MFAP3L: variants seen among roughly 807,000 people sequenced by gnomAD.
MFAP3L encodes the protein microfibrillar-associated protein 3-like.
A neutral mutation model predicts 20.0 loss-of-function variants in MFAP3L; 5 were observed. The ratio of observed to expected loss-of-function variants is 0.25; its 90% CI spans 0.13 to 0.53. The LOEUF (loss-of-function observed/expected upper bound fraction) is 0.53. Among genes scored for constraint, MFAP3L ranks in the 20% least tolerant of loss-of-function variants. MFAP3L has a pLI of 0.96. For missense variants in MFAP3L, 409 were observed against 527.5 expected (o/e 0.78, Z 2.20); for synonymous variants, 219 against 213.0 (o/e 1.03, Z -0.25).
Position 169,989,238 on chromosome 4 carries a change from ATTTC to A in MFAP3L, c.*2136_*2139del, listed in dbSNP as rs978258087. 1.3e-5 allele frequency: 2 copies of A among 152,136 alleles called. No homozygotes were observed. Among genetic ancestry groups the A allele is most frequent in the East Asian group, 1.9e-4 (1 of 5,196 alleles). The allele number at this position is 152,136 out of a possible 1,614,324, so 9.4% of individuals were successfully genotyped here. ...AATTTCTCCTGATTTCTCACTGCTC[ATTTC>A]TTTATGTGACTGCCCAAAGCACTTC... is the stretch of plus-strand genomic sequence containing the variant. On this transcript the variant is annotated 3_prime_UTR_variant, in exon 3 of 3. Transcript: ENST00000361618.
chr4:169,994,351 G>A, intron 2 of MFAP3L: 3 of 985,368 alleles, frequency 3.0e-6, no homozygotes, highest in Non-Finnish European at 3.6e-6. Flanking sequence ...GGATAAAGTA[G>A]TCTGAACCTG....
At chr4:170,024,112 A>G (rs1464724932) in intron 1 of MFAP3L, among the ~76,000 whole-genome samples, 1 of 152,198 alleles carries the variant, frequency 6.6e-6, no homozygotes, top group East Asian at 1.9e-4. Context: ...ACATGCCTAC[A>G]AAGTCTATTT....
chr4:170,026,416 C>T (rs1730428229), upstream of MFAP3L: 1 of 430,838 alleles, frequency 2.3e-6, no homozygotes, highest in South Asian at 9.4e-5. Context: ...CGGAGCTTCC[C>T]ACCTACAGGA....
Position 169,992,403 on chromosome 4 carries a change from GA to G in MFAP3L, c.299-95del. ...TCTAAGAACATCTATGAACATCTATGAAGAACATCTATGAAGTCTATGAACG... is the reference window on the plus strand; with the variant it reads ...TCTAAGAACATCTATGAACATCTATGAGAACATCTATGAAGTCTATGAACG... On this transcript the variant is annotated intron_variant, in intron 2 of 2. Transcript: ENST00000361618. The surrounding 1 kb of genome is among the most constrained non-coding windows in gnomAD (Gnocchi z 4.3). 1.8e-6 allele frequency: 2 copies of G among 1,118,638 alleles called. No homozygotes were observed. Among genetic ancestry groups the G allele is most frequent in the South Asian group, 3.0e-5 (2 of 66,696 alleles). The allele number at this position is 1,118,638 out of a possible 1,614,324, so 69.3% of individuals were successfully genotyped here.
In MFAP3L at chr4:169,992,293, G is replaced by A. The variant is rs769034321; in HGVS notation, c.315C>T (p.His105=). The change falls in exon 3 of 3, where the codon CAC becomes CAT. Residue 105 remains histidine (H), a synonymous_variant. Transcript: ENST00000361618. The surrounding 1 kb of genome is among the most constrained non-coding windows in gnomAD (Gnocchi z 4.3). The part of the protein sequence containing the change: ...KERGGGKWQM[H]DSGLLNITKV... ...TGGTGATGTTCAGGAGGCCGCTGTC[G>A]TGCATTTGCCATTTTCCTGTCGGAA... The A allele has an allele frequency of 1.3e-5, 21 of 1,607,402 alleles. No homozygotes were observed. Among genetic ancestry groups the A allele is most frequent in the Middle Eastern group, 1.8e-4 (1 of 5,638 alleles).
At chr4:170,003,963 C>T (rs1447432251) in intron 2 of MFAP3L, 4 of 540,678 alleles carry the variant, frequency 7.4e-6, no homozygotes, top group Non-Finnish European at 9.4e-6. Context: ...GTTATAGCCA[C>T]TTTTTAAAAT....
At chr4:170,015,148 C>T (rs1739618878) in intron 1 of MFAP3L, among the ~76,000 whole-genome samples, 1 of 152,168 alleles carries the variant, frequency 6.6e-6, no homozygotes, top group South Asian at 2.1e-4. Flanking sequence ...GTGTGAAGAG[C>T]AGATGAGTTT....
At position 170,005,753 on chromosome 4, in the gene MFAP3L, AC is replaced by A. The variant is rs1560980214; in HGVS notation, c.124del (p.Val42SerfsTer7). ...TNSTLNGTNV[V>X]LGSVPVIIAR... ...AATGATTACGGGCACAGAGCCCAAG[AC>A]CACGTTAGTGCCATTTAAAGTGCTG... On this transcript the variant is annotated frameshift_variant, in exon 2 of 3. Coordinates refer to ENST00000361618, the MANE Select transcript of MFAP3L (RefSeq NM_021647.8). LOFTEE classifies it high-confidence loss of function. 1 of 1,614,224 alleles carries A rather than the reference AC, an allele frequency of 6.2e-7. No homozygotes were observed. The highest frequency in any genetic ancestry group is 8.5e-7 in the Non-Finnish European group (1 of 1,180,044).
At chr4:169,996,507 G>A (rs1486851452) in intron 2 of MFAP3L, among the ~76,000 whole-genome samples, 1 of 152,068 alleles carries the variant, frequency 6.6e-6, no homozygotes, top group Non-Finnish European at 1.5e-5. Flanking sequence ...GCATCTGGGA[G>A]GGACTGAAGG....
At chr4:170,017,092 T>C (rs11943813) in intron 1 of MFAP3L, among the ~76,000 whole-genome samples, 37,922 of 152,180 alleles carry the variant, frequency 0.25, 5,412 homozygotes, top group East Asian at 0.69. Flanking sequence ...CTAGATCACC[T>C]AGGGTTTCCT....
chr4:170,006,604 A>G (rs1359992569), intron 1 of MFAP3L: 1 of 152,180 alleles, frequency 6.6e-6, no homozygotes, highest in Non-Finnish European at 1.5e-5. Flanking sequence ...TTCACTTACC[A>G]TGACAAGCTC....
rs777411809 is a variant in MFAP3L, at chr4:169,991,368, G to C, written c.*10C>G. ...ATTTTCTTGATATGCATAGCTTTTC[G>C]GGGTTGGTATTAGACATGGCTTTCG... On this transcript the variant is annotated 3_prime_UTR_variant, in exon 3 of 3. Coordinates refer to ENST00000361618, the MANE Select transcript of MFAP3L (RefSeq NM_021647.8). The surrounding 1 kb of genome is among the most constrained non-coding windows in gnomAD (Gnocchi z 4.9). 1 of 1,606,732 alleles carries C rather than the reference G, an allele frequency of 6.2e-7. No individual in the cohort carries two copies. The highest frequency in any genetic ancestry group is 1.3e-5 in the African/African-American group (1 of 74,490).
intron 2 of MFAP3L, chr4:169,994,277 G>C: frequency 1.0e-6 from 1 of 985,334 alleles, no homozygotes; most frequent in Non-Finnish European, 1.2e-6. Context: ...AGAATGGTTA[G>C]GATCAGTTTG....
intron 1 of MFAP3L, among the ~76,000 whole-genome samples, chr4:170,017,908 G>A (rs763154067): frequency 1.3e-5 from 2 of 152,114 alleles, no homozygotes; most frequent in Non-Finnish European, 2.9e-5. Flanking sequence ...TCTCTCCGCT[G>A]GGTAGTCACC....
intron 1 of MFAP3L, 101 bp from the exon 2 acceptor site, chr4:170,006,111 C>A: frequency 3.3e-6 from 3 of 910,754 alleles, no homozygotes; most frequent in Non-Finnish European, 4.4e-6. Flanking sequence ...CAAACATCAA[C>A]ATACTTTTTT....
intron 2 of MFAP3L, among the ~76,000 whole-genome samples, chr4:169,997,355 T>C (rs1738252897): frequency 6.6e-6 from 1 of 152,032 alleles, no homozygotes; most frequent in African/African-American, 2.4e-5. Context: ...TTTTTTTCAA[T>C]ATAAAATACA....
chr4:170,006,512 A>G (rs1358603900), intron 1 of MFAP3L: 1 of 152,270 alleles, frequency 6.6e-6, no homozygotes, highest in East Asian at 1.9e-4. Context: ...CTATCAAAAC[A>G]TATAGATTTT....
Position 169,988,433 on chromosome 4 carries a change from C to G in MFAP3L, c.*2945G>C, listed in dbSNP as rs1400740930. 1 of 152,150 alleles carries G rather than the reference C, an allele frequency of 6.6e-6. No homozygotes were observed. Among genetic ancestry groups the G allele is most frequent in the Non-Finnish European group, 1.5e-5 (1 of 68,024 alleles). The allele number at this position is 152,150 out of a possible 1,614,324, so 9.4% of individuals were successfully genotyped here. A position where few individuals can be genotyped will look rare whatever the true frequency, so the allele number is the denominator to read the frequency against. Reference sequence around the variant, plus strand: ...AGATATGACCAGGATGACTCAGAAGCCAGAAATTGATTTTACAAACGACTA... The same window carrying G: ...AGATATGACCAGGATGACTCAGAAGGCAGAAATTGATTTTACAAACGACTA... On this transcript the variant is annotated 3_prime_UTR_variant, in exon 3 of 3. Coordinates refer to ENST00000361618, the MANE Select transcript of MFAP3L (RefSeq NM_021647.8).
At chr4:170,025,423 G>A in intron 1 of MFAP3L, among the ~76,000 whole-genome samples, 1 of 152,170 alleles carries the variant, frequency 6.6e-6, no homozygotes, top group East Asian at 1.9e-4. Context: ...TTTCTGCTAA[G>A]TATCCTTAAA....
Sources: allele counts gnomAD v4.1 joint callset (sites outside exome capture counted in the v4.1 genomes callset), GRCh38; gene constraint gnomAD v4.1.1; non-coding constraint Gnocchi (gnomAD v3.1); transcripts MANE v1.5; gene names NCBI Gene and HGNC (gene_info 2026-07-23, HGNC 2026-07-21).